Variants in NBPF9 observed in about 807,000 individuals in gnomAD.
NBPF9 encodes the protein NBPF family member NBPF9.
NBPF9 carries 91 observed loss-of-function variants against 97.8 expected under a neutral mutation model. That is an observed-to-expected ratio of 0.93 (90% CI 0.79 to 1.11). The LOEUF is 1.11. Among genes scored for constraint, NBPF9 ranks in the 50% least tolerant of loss-of-function variants. The pLI, the probability that NBPF9 is intolerant of heterozygous loss-of-function variation, is 0.00. For synonymous variants in NBPF9, 334 were observed against 359.5 expected (o/e 0.93, Z 0.80); for missense variants, 992 against 939.5 (o/e 1.06, Z -0.73).
In NBPF9 at chr1:149,064,487, A is replaced by C; in HGVS notation, c.1802-5T>G. On this transcript the variant is annotated splice_polypyrimidine_tract_variant and splice_region_variant and intron_variant, in intron 18 of 29. Transcript: ENST00000584027. ...TCACTTGATCCCACCGATGTCCTGC[A>C]AATAAATTCAGATGGGCCCTCTTAC... 2 of 1,495,502 alleles carry C rather than the reference A, an allele frequency of 1.3e-6. No homozygotes were observed. Among genetic ancestry groups the C allele is most frequent in the Non-Finnish European group, 1.8e-6 (2 of 1,096,104 alleles). The allele number at this position is 1,495,502 out of a possible 1,614,324, so 92.6% of individuals were successfully genotyped here.
chr1:149,081,220 A>G lies in NBPF9; in HGVS notation c.175+745T>C, dbSNP rs1450652236. ...CTGCAACATCTGCCTGCTGGGTTCA[A>G]AGGATTCTTCTGCCTCAGCCTCCCG... is the stretch of plus-strand genomic sequence containing the variant. On this transcript the variant is annotated intron_variant, in intron 7 of 29. Transcript: ENST00000584027. Among the ~76,000 whole-genome samples, 112 of 152,186 alleles carry G rather than the reference A, an allele frequency of 7.4e-4. 1 individual carries two copies. Among genetic ancestry groups the G allele is most frequent in the Middle Eastern group, 3.4e-3 (1 of 294 alleles).
chr1:149,071,068 T>C (rs1553652836), exon 16 of NBPF9: 2 of 1,610,882 alleles, frequency 1.2e-6, no homozygotes, highest in Non-Finnish European at 1.7e-6. Context: ...GCCATGGCTA[T>C]TTGAATAAGT....
At chr1:149,087,827 CCTT>C (rs2081136144) in intron 5 of NBPF9, among the ~76,000 whole-genome samples, 1 of 131,952 alleles carries the variant, frequency 7.6e-6, no homozygotes, top group Non-Finnish European at 1.6e-5. Context: ...TGTTGACTTT[CCTT>C]TTTTTTTTTT....
chr1:149,080,468 G>C (rs1426358095), intron 7 of NBPF9, among the ~76,000 whole-genome samples: 2 of 150,656 alleles, frequency 1.3e-5, no homozygotes, highest in Admixed American at 6.6e-5. Flanking sequence ...ACTTTCCCAA[G>C]CCTTGCAGCC....
At chr1:149,074,443 G>T (rs1158139686) in intron 12 of NBPF9, among the ~76,000 whole-genome samples, 4 of 151,546 alleles carry the variant, frequency 2.6e-5, no homozygotes, top group Admixed American at 6.6e-5. Context: ...TGCTAATAAA[G>T]TTTGTGTTAA....
chr1:149,089,147 A>C (rs2081242033), intron 5 of NBPF9, among the ~76,000 whole-genome samples: 1 of 152,126 alleles, frequency 6.6e-6, no homozygotes, highest in South Asian at 2.1e-4. Context: ...GGGCAAATCC[A>C]TGCGGCATCT....
At chr1:149,103,124 G>GAATC (rs2082256396) in intron 1 of NBPF9, among the ~76,000 whole-genome samples, 177 bp downstream of exon 1, 4 of 151,970 alleles carry the variant, frequency 2.6e-5, no homozygotes, top group Non-Finnish European at 5.9e-5. Context: ...GGCAAGCGAG[G>GAATC]AATCGAACGC....
intron 12 of NBPF9, among the ~76,000 whole-genome samples, chr1:149,074,245 C>T (rs1272362764): frequency 6.6e-6 from 1 of 151,238 alleles, no homozygotes; most frequent in African/African-American, 2.4e-5. Flanking sequence ...CTTGTACAGT[C>T]GGGAAGGCCC....
At chr1:149,098,140 AAG>A (rs1424634245) in intron 4 of NBPF9, among the ~76,000 whole-genome samples, 2 of 151,586 alleles carry the variant, frequency 1.3e-5, no homozygotes, top group Admixed American at 1.3e-4. Context: ...AATGGGGGGT[AAG>A]AGGGGAAGAG....
At chr1:149,084,366 C>T (rs1346448230) in intron 5 of NBPF9, among the ~76,000 whole-genome samples, 6 of 145,254 alleles carry the variant, frequency 4.1e-5, no homozygotes, top group African/African-American at 1.0e-4. Flanking sequence ...TATATACATA[C>T]GTGTGTATAT....
rs1164820642 is a variant in NBPF9, at chr1:149,081,546, G to C, written c.175+419C>G. 3.9e-5 allele frequency among the ~76,000 whole-genome samples: 6 copies of C among 152,034 alleles called. No homozygotes were observed. The East Asian group carries it at 7.7e-4, about 20-fold the overall frequency. ...AGTTCCCCTCAGAGTCACTAGAACA[G>C]AGCTTTGCCTCTTGGGCCTCAACGG... is the stretch of plus-strand genomic sequence containing the variant. On this transcript the variant is annotated intron_variant, in intron 7 of 29. Transcript: ENST00000584027.
intron 5 of NBPF9, among the ~76,000 whole-genome samples, chr1:149,089,731 C>T (rs1409665806): frequency 6.6e-6 from 1 of 152,310 alleles, no homozygotes; most frequent in Non-Finnish European, 1.5e-5. Flanking sequence ...TTGTTATTTT[C>T]AACTGTTGTT....
At chr1:149,071,944 T>C (rs2079445699) in intron 14 of NBPF9, among the ~76,000 whole-genome samples, 1 of 151,280 alleles carries the variant, frequency 6.6e-6, no homozygotes, top group Non-Finnish European at 1.5e-5. Flanking sequence ...GTGCAGCCTC[T>C]CTCTGGACGT....
chr1:149,103,378 C>A (rs1476778198), exon 1 of NBPF9: 1 of 151,728 alleles, frequency 6.6e-6, no homozygotes, highest in Admixed American at 6.5e-5. Context: ...CGCCTCGGCC[C>A]GCTCCTGGCG....
intron 4 of NBPF9, among the ~76,000 whole-genome samples, chr1:149,095,106 G>C (rs1481882703): frequency 2.1e-5 from 3 of 142,088 alleles, no homozygotes; most frequent in Non-Finnish European, 4.5e-5. Flanking sequence ...TGAAGTTGGT[G>C]AAAAGAGAAA....
exon 30 of NBPF9, chr1:149,055,814 A>C: frequency 6.2e-7 from 1 of 1,610,112 alleles, no homozygotes; most frequent in Non-Finnish European, 8.5e-7. Context: ...GGTAGTTCAA[A>C]GTACATTGAC....
intron 17 of NBPF9, among the ~76,000 whole-genome samples, chr1:149,068,223 G>T (rs1428873805): frequency 2.7e-5 from 4 of 148,418 alleles, no homozygotes; most frequent in Non-Finnish European, 4.4e-5. Flanking sequence ...ATCAACTAAC[G>T]GGTGAAATAA....
intron 15 of NBPF9, 51 bp from the exon 16 acceptor site, chr1:149,071,190 T>A: frequency 8.1e-7 from 1 of 1,240,806 alleles, no homozygotes; most frequent in Non-Finnish European, 1.2e-6. Flanking sequence ...ACAGAGGGAT[T>A]GGACCCCAGG....
At chr1:149,080,309 CCTGA>C (rs2080314528) in intron 7 of NBPF9, among the ~76,000 whole-genome samples, 154 bp from the exon 8 acceptor site, 1 of 151,274 alleles carries the variant, frequency 6.6e-6, no homozygotes, top group East Asian at 2.0e-4. Context: ...TCTTCAGTCT[CCTGA>C]CTTTCTGGCA....
Sources: gnomAD v4.1 joint callset for allele counts (sites outside exome capture counted in the v4.1 genomes callset) on GRCh38, gnomAD v4.1.1 for gene constraint, MANE v1.5 for transcripts, NCBI Gene and HGNC (gene_info 2026-07-23, HGNC 2026-07-21) for gene names.